Variants in USH2A observed in about 807,000 individuals in gnomAD.
USH2A encodes usherin.
In USH2A, 443 loss-of-function variants were observed where a neutral mutation model predicts 538.9. That is an observed-to-expected ratio of 0.82 (90% CI 0.76 to 0.89). The LOEUF (loss-of-function observed/expected upper bound fraction) is 0.89, where lower values mean the gene tolerates loss of function less well. USH2A is among the 40% of genes least tolerant of loss of function. The pLI is 0.00. For missense variants in USH2A, 6,633 were observed against 6,324.8 expected, an observed-to-expected ratio of 1.05 and a Z score of -1.65; for synonymous variants, 2,413 against 2,273.5, an observed-to-expected ratio of 1.06 and a Z score of -1.75.
At chr1:216,315,754 A>C (rs1307091551) in intron 9 of USH2A, among the ~76,000 whole-genome samples, 1 of 152,208 alleles carries the variant, frequency 6.6e-6, no homozygotes, top group African/African-American at 2.4e-5. Context: ...TTACTTAAAA[A>C]TGCAAGTAAC....
Position 215,888,849 on chromosome 1 carries a change from TACC to T in USH2A, c.7797_7799del (p.Val2600del), listed in dbSNP as rs1665137732. The T allele has an allele frequency of 6.2e-7, 1 of 1,614,070 alleles. No individual in the cohort carries two copies. The highest frequency in any genetic ancestry group is 1.3e-5 in the African/African-American group (1 of 74,916). ...AACATCCTTTTGAAGTGCAGGCTTC[TACC>T]TGAAACTTATAGGCAGTGTATGGGT... On this transcript the variant is annotated inframe_deletion, in exon 41 of 72. Coordinates refer to ENST00000307340, the MANE Select transcript of USH2A (RefSeq NM_206933.4).
chr1:215,834,738 G>A (rs1663427160), intron 47 of USH2A, among the ~76,000 whole-genome samples: 1 of 150,850 alleles, frequency 6.6e-6, no homozygotes, highest in South Asian at 2.1e-4. Context: ...GATCTGCACA[G>A]TAGTACATTG....
At chr1:216,342,897 C>G (rs745896712) in intron 4 of USH2A, among the ~76,000 whole-genome samples, 5 of 151,916 alleles carry the variant, frequency 3.3e-5, no homozygotes, top group Non-Finnish European at 7.4e-5. Context: ...GGCTTAAAAC[C>G]TAGATGACAG....
intron 11 of USH2A, among the ~76,000 whole-genome samples, chr1:216,251,720 G>A (rs1197643236): frequency 2.0e-5 from 3 of 152,018 alleles, no homozygotes; most frequent in Non-Finnish European, 1.5e-5. Flanking sequence ...GATTACAGGC[G>A]TGAATCACTG....
intron 4 of USH2A, among the ~76,000 whole-genome samples, chr1:216,328,231 C>G (rs1325647738): frequency 6.6e-6 from 1 of 152,118 alleles, no homozygotes; most frequent in African/African-American, 2.4e-5. Flanking sequence ...ATAGTTCACT[C>G]TCAGAATTTT....
At chr1:216,138,054 C>T (rs2102608171) in intron 21 of USH2A, among the ~76,000 whole-genome samples, 1 of 151,336 alleles carries the variant, frequency 6.6e-6, no homozygotes, top group East Asian at 1.9e-4. Context: ...TAAATAATGT[C>T]CCAAAACAAT....
At chr1:216,207,155 G>C in intron 16 of USH2A, 118 bp downstream of exon 16, 1 of 1,257,840 alleles carries the variant, frequency 8.0e-7, no homozygotes, top group Non-Finnish European at 1.1e-6. Context: ...ATCTCTGTTT[G>C]AAACACTCTG....
intron 12 of USH2A, among the ~76,000 whole-genome samples, chr1:216,250,419 T>C (rs1216872977): frequency 1.3e-5 from 2 of 152,110 alleles, no homozygotes; most frequent in Non-Finnish European, 2.9e-5. Flanking sequence ...TTGCATTTCA[T>C]AGGAACAGTT....
At position 216,133,690 on chromosome 1, in the gene USH2A, G is replaced by C. The variant is rs551373467; in HGVS notation, c.4628-36477C>G. Among the ~76,000 whole-genome samples the C allele has an allele frequency of 2.0e-5, 3 of 152,080 alleles. 1 individual carries two copies. In the South Asian group the frequency reaches 6.2e-4, roughly 32 times the overall value. ...AACCCATTATGTCATTAACTTAAAA[G>C]GGAATTAAATTAGCACCTAGGTCTA... is the stretch of plus-strand genomic sequence containing the variant. On this transcript the variant is annotated intron_variant, in intron 21 of 71. Coordinates refer to ENST00000307340, the MANE Select transcript of USH2A (RefSeq NM_206933.4).
chr1:215,835,039 T>A (rs1663436551), intron 47 of USH2A, among the ~76,000 whole-genome samples: 1 of 151,582 alleles, frequency 6.6e-6, no homozygotes, highest in African/African-American at 2.4e-5. Context: ...TGTTTTATGG[T>A]TAGAGAATTT....
intron 10 of USH2A, among the ~76,000 whole-genome samples, chr1:216,290,325 T>A (rs920970312): frequency 2.0e-5 from 3 of 152,180 alleles, no homozygotes; most frequent in Admixed American, 6.5e-5. Context: ...ATTAAATTGA[T>A]TTATAATATT....
At position 216,312,835 on chromosome 1, in the gene USH2A, T is replaced by C. The variant is rs374412073; in HGVS notation, c.1644+9048A>G. Among the ~76,000 whole-genome samples, 11 of 152,104 alleles carry C rather than the reference T, an allele frequency of 7.2e-5. No homozygotes were observed. In the East Asian group the frequency reaches 2.1e-3, roughly 29 times the overall value. On this transcript the variant is annotated intron_variant, in intron 9 of 71. Coordinates refer to ENST00000307340, the MANE Select transcript of USH2A (RefSeq NM_206933.4). ...TTCAAACTGTGAGGTTGTTTGTTTG[T>C]TTCTTTGTTTGTTTGTTTTTGGTGT...
At chr1:215,934,305 A>G (rs552264307) in intron 38 of USH2A, among the ~76,000 whole-genome samples, 4 of 152,036 alleles carry the variant, frequency 2.6e-5, no homozygotes, top group Admixed American at 2.6e-4. Context: ...GAACAAAATC[A>G]TTTCCCAATT....
At chr1:215,884,654 CTT>C (rs138995581) in intron 41 of USH2A, among the ~76,000 whole-genome samples, 7,859 of 152,202 alleles carry the variant, frequency 0.052, 215 homozygotes, top group Middle Eastern at 0.099. Flanking sequence ...CTGTTTTATA[CTT>C]TTTGTCTGTG....
At chr1:216,198,205 T>A in intron 18 of USH2A, 110 bp downstream of exon 18, 1 of 1,528,266 alleles carries the variant, frequency 6.5e-7, no homozygotes. Context: ...TCTATGGAAG[T>A]TTCTAATTCT....
At chr1:216,269,491 C>G (rs1026565762) in intron 11 of USH2A, among the ~76,000 whole-genome samples, 1 of 152,060 alleles carries the variant, frequency 6.6e-6, no homozygotes. Context: ...CGGACTAATA[C>G]AGTTACTAAG....
chr1:215,967,242 C>T (rs1667368942), intron 36 of USH2A, among the ~76,000 whole-genome samples: 1 of 152,200 alleles, frequency 6.6e-6, no homozygotes, highest in African/African-American at 2.4e-5. Context: ...AATCTCGGGT[C>T]ACTGGAATCC....
intron 32 of USH2A, among the ~76,000 whole-genome samples, chr1:216,010,136 G>A (rs1245488182): frequency 3.3e-5 from 5 of 152,152 alleles, no homozygotes; most frequent in Non-Finnish European, 7.3e-5. Context: ...CCTTCAAGGT[G>A]TACAATAATA....
chr1:216,398,647 C>T (rs2039258057), intron 3 of USH2A, among the ~76,000 whole-genome samples: 1 of 152,102 alleles, frequency 6.6e-6, no homozygotes, highest in Admixed American at 6.6e-5. Flanking sequence ...TCACCCCACC[C>T]TCTCACCCAA....
Sources: gnomAD v4.1 joint callset for allele counts (sites outside exome capture counted in the v4.1 genomes callset) on GRCh38, gnomAD v4.1.1 for gene constraint, MANE v1.5 for transcripts, NCBI Gene and HGNC (gene_info 2026-07-23, HGNC 2026-07-21) for gene names.